FAM110C: variants seen among roughly 807,000 people sequenced by gnomAD.
FAM110C encodes family with sequence similarity 110 member C.
Under a neutral mutation model 15.7 loss-of-function variants are expected in FAM110C, and 19 were observed. That is an observed-to-expected ratio of 1.21 (90% CI 0.85 to 1.78). The LOEUF (loss-of-function observed/expected upper bound fraction) is 1.78, where lower values mean the gene tolerates loss of function less well. Among genes scored for constraint, FAM110C ranks in the 40% most tolerant of loss-of-function variants. The probability of loss-of-function intolerance (pLI) is 0.00; values close to 1 mark genes in which losing one functional copy is unlikely to be tolerated. For synonymous variants in FAM110C, 275 were observed against 233.9 expected, an observed-to-expected ratio of 1.18 and a Z score of -1.61; for missense variants, 547 against 495.7, an observed-to-expected ratio of 1.10 and a Z score of -0.98.
intron 1 of FAM110C, chr2:43,137 C>A (rs1320985695): frequency 3.0e-6 from 3 of 985,300 alleles, no homozygotes; most frequent in African/African-American, 3.5e-5. Context: ...CTCATACACC[C>A]CACCCCTGGT....
At chr2:43,849 A>G (rs1438668875) in intron 1 of FAM110C, 10 of 985,206 alleles carry the variant, frequency 1.0e-5, no homozygotes, top group Non-Finnish European at 1.2e-5. Context: ...TTTGTTTTCC[A>G]TTTCTGGGTT....
Position 39,835 on chromosome 2 carries a change from G to A in FAM110C, c.*1773C>T, listed in dbSNP as rs559770744. On this transcript the variant is annotated 3_prime_UTR_variant, in exon 2 of 2. Transcript: ENST00000327669. Reference sequence around the variant, plus strand: ...AATTGATGGGACATCTGAAAATAAGGGAATTGGGTATATGAAAAGATCCTT... The same window carrying A: ...AATTGATGGGACATCTGAAAATAAGAGAATTGGGTATATGAAAAGATCCTT... The A allele has an allele frequency of 3.3e-5, 5 of 152,246 alleles. No homozygotes were observed. The South Asian group carries it at 8.3e-4, about 25-fold the overall frequency. 9.4% of individuals were successfully genotyped at this position (152,246 alleles called of 1,614,324 possible). A position where few individuals can be genotyped will look rare whatever the true frequency, so the allele number is the denominator to read the frequency against.
intron 1 of FAM110C, chr2:43,340 T>G: frequency 1.0e-6 from 1 of 985,382 alleles, no homozygotes. Context: ...ACAGTTGCCA[T>G]TGTCTCCAGT....
chr2:44,761 G>A, intron 1 of FAM110C: 1 of 985,412 alleles, frequency 1.0e-6, no homozygotes, highest in Non-Finnish European at 1.2e-6. Context: ...ATAAACTATA[G>A]ACTCTAGTTA....
At position 46,019 on chromosome 2, in the gene FAM110C, C is replaced by G. The variant is rs760947874; in HGVS notation, c.367G>C (p.Val123Leu). ...CCCGGCCCCTGGAAGAGCTTCTTCACCAGGCTTGCCCTGGGGCCGTCGGCG... is the reference window on the plus strand; with the variant it reads ...CCCGGCCCCTGGAAGAGCTTCTTCAGCAGGCTTGCCCTGGGGCCGTCGGCG... ...SGADGPRASL[V>L]KKLFQGPGKD... The change falls in exon 1 of 2, where the codon GTG becomes CTG. Residue 123 changes from valine to leucine, a missense_variant. Physicochemically the swap from Val to Leu is conservative, Grantham distance 32. Transcript: ENST00000327669. The G allele has an allele frequency of 6.7e-7, 1 of 1,486,860 alleles. No homozygotes were observed. The highest frequency in any genetic ancestry group is 1.5e-5 in the African/African-American group (1 of 68,080). The allele number at this position is 1,486,860 out of a possible 1,614,324, so 92.1% of individuals were successfully genotyped here. A position where few individuals can be genotyped will look rare whatever the true frequency, so the allele number is the denominator to read the frequency against.
rs1282606463 is a variant in FAM110C, at chr2:46,095, C to G, written c.291G>C (p.Pro97=). 1.3e-6 allele frequency: 2 copies of G among 1,510,988 alleles called. No individual in the cohort carries two copies. Among genetic ancestry groups the G allele is most frequent in the Non-Finnish European group, 1.8e-6 (2 of 1,137,540 alleles). 93.6% of individuals were successfully genotyped at this position (1,510,988 alleles called of 1,614,324 possible). A position where few individuals can be genotyped will look rare whatever the true frequency, so the allele number is the denominator to read the frequency against. The change falls in exon 1 of 2, where the codon CCG becomes CCC. Residue 97 remains proline (P), a synonymous_variant. Transcript: ENST00000327669. The part of the protein sequence containing the change: ...RRAIARKPLR[P]DSLIIYRQKC... ...TCTGCCGGTAGATGATCAGCGAGTC[C>G]GGTCTCAACGGCTTCCGCGCAATAG...
At chr2:43,935 C>G (rs773286141) in intron 1 of FAM110C, 2 of 985,298 alleles carry the variant, frequency 2.0e-6, no homozygotes, top group African/African-American at 3.5e-5. Context: ...TATCTCCCTT[C>G]TTTTTATGGA....
In FAM110C at chr2:43,805, C is replaced by A. The variant is rs1316840850; in HGVS notation, c.946+1635G>T. On this transcript the variant is annotated intron_variant, in intron 1 of 1. Coordinates refer to ENST00000327669, the MANE Select transcript of FAM110C (RefSeq NM_001077710.3). Reference sequence around the variant, plus strand: ...TGGAGGGAGCTTATTCATAAATTTACTTCTCACGTACTTCAATAGACAACT... The same window carrying A: ...TGGAGGGAGCTTATTCATAAATTTAATTCTCACGTACTTCAATAGACAACT... The A allele has an allele frequency of 8.1e-6, 8 of 985,344 alleles. No homozygotes were observed. In the Middle Eastern group the frequency reaches 1.5e-3, roughly 191 times the overall value. The allele number at this position is 985,344 out of a possible 1,614,324, so 61.0% of individuals were successfully genotyped here.
At chr2:43,339 A>T (rs1664178448) in intron 1 of FAM110C, 36 of 985,262 alleles carry the variant, frequency 3.7e-5, no homozygotes, top group Non-Finnish European at 4.2e-5. Flanking sequence ...GACAGTTGCC[A>T]TTGTCTCCAG....
At chr2:45,151 C>T (rs1664238932) in intron 1 of FAM110C, 2 of 985,280 alleles carry the variant, frequency 2.0e-6, no homozygotes, top group Non-Finnish European at 2.4e-6. Context: ...CAATAATAAG[C>T]CAAATGGGAC....
At chr2:45,139 C>T in intron 1 of FAM110C, 1 of 985,410 alleles carries the variant, frequency 1.0e-6, no homozygotes, top group African/African-American at 1.7e-5. Flanking sequence ...CTCCTGTTTT[C>T]ACAATAATAA....
chr2:39,967 G>T lies in FAM110C; in HGVS notation c.*1641C>A, dbSNP rs184481426. ...GAGCAACCATTGGGGAAAATTCTTA[G>T]ATCAGGGGACCTGCTGTCCTGACAG... On this transcript the variant is annotated 3_prime_UTR_variant, in exon 2 of 2. Coordinates refer to ENST00000327669, the MANE Select transcript of FAM110C (RefSeq NM_001077710.3). 6 of 152,140 alleles carry T rather than the reference G, an allele frequency of 3.9e-5. No individual in the cohort carries two copies. The highest frequency in any genetic ancestry group is 8.8e-5 in the Non-Finnish European group (6 of 68,034). 9.4% of individuals were successfully genotyped at this position (152,140 alleles called of 1,614,324 possible). A position where few individuals can be genotyped will look rare whatever the true frequency, so the allele number is the denominator to read the frequency against.
At chr2:45,171 T>G in intron 1 of FAM110C, 5 of 985,422 alleles carry the variant, frequency 5.1e-6, no homozygotes, top group Non-Finnish European at 6.0e-6. Context: ...CATATTAATT[T>G]GCAGAATTGC....
At chr2:43,806 T>C in intron 1 of FAM110C, 1 of 985,482 alleles carries the variant, frequency 1.0e-6, no homozygotes, top group Non-Finnish European at 1.2e-6. Context: ...ATAAATTTAC[T>C]TCTCACGTAC....
intron 1 of FAM110C, chr2:42,775 T>C (rs922317613): frequency 1.5e-5 from 14 of 946,764 alleles, no homozygotes; most frequent in Non-Finnish European, 1.8e-5. Flanking sequence ...AACCTCCAAA[T>C]ATATTTGTTT....
chr2:41,601 G>A lies in FAM110C; in HGVS notation c.*7C>T. The stretch of plus-strand genomic sequence containing the variant: ...AATCACCCATGAAATCCTTCAAGAA[G>A]TCTTCATCATCGGGAAGGTTTGCTT... On this transcript the variant is annotated 3_prime_UTR_variant, in exon 2 of 2. Transcript: ENST00000327669. 1 of 1,613,740 alleles carries A rather than the reference G, an allele frequency of 6.2e-7. No homozygotes were observed. Among genetic ancestry groups the A allele is most frequent in the Non-Finnish European group, 8.5e-7 (1 of 1,179,870 alleles).
At chr2:44,750 A>C in intron 1 of FAM110C, 4 of 985,444 alleles carry the variant, frequency 4.1e-6, no homozygotes, top group Non-Finnish European at 3.6e-6. Flanking sequence ...ATCAGAGGCA[A>C]ATAAACTATA....
Position 45,601 on chromosome 2 carries a change from C to A in FAM110C, c.785G>T (p.Arg262Leu), listed in dbSNP as rs778064459. 3 of 1,611,922 alleles carry A rather than the reference C, an allele frequency of 1.9e-6. No homozygotes were observed. Among genetic ancestry groups the A allele is most frequent in the Non-Finnish European group, 2.5e-6 (3 of 1,179,682 alleles). ...SVATSGSGFS[R>L]HSGGDDEGLQ... Reference sequence around the variant, plus strand: ...CCCCTCGTCGTCGCCGCCGCTGTGCCGGGAGAAGCCGCTGCCGGAGGTGGC... The same window carrying A: ...CCCCTCGTCGTCGCCGCCGCTGTGCAGGGAGAAGCCGCTGCCGGAGGTGGC... Residue 262 changes from arginine (R) to leucine (L), a missense_variant, in exon 1 of 2, where the codon CGG becomes CTG. Transcript: ENST00000327669.
rs754403995 is a variant in FAM110C at position 44,334 on chromosome 2, T to C, written c.946+1106A>G. On this transcript the variant is annotated intron_variant, in intron 1 of 1. Transcript: ENST00000327669. The stretch of plus-strand genomic sequence containing the variant: ...AATTTTCATGTCTGTACTAAAGTCA[T>C]AGCCAGAGAAATTATTGGAGATATT... 19 of 985,182 alleles carry C rather than the reference T, an allele frequency of 1.9e-5. No homozygotes were observed. The South Asian group carries it at 2.8e-4, about 15-fold the overall frequency. The allele number at this position is 985,182 out of a possible 1,614,324, so 61.0% of individuals were successfully genotyped here.
Sources: allele counts gnomAD v4.1 joint callset, GRCh38; gene constraint gnomAD v4.1.1; transcripts MANE v1.5; gene names NCBI Gene and HGNC (gene_info 2026-07-23, HGNC 2026-07-21).